Variants in MAPK8IP3 observed in about 807,000 individuals in gnomAD.
MAPK8IP3 encodes the protein C-Jun-amino-terminal kinase-interacting protein 3.
A neutral mutation model predicts 157.8 loss-of-function variants in MAPK8IP3; 49 were observed. That is an observed-to-expected ratio of 0.31 (90% CI 0.25 to 0.39). MAPK8IP3 has a LOEUF of 0.39. Among genes scored for constraint, MAPK8IP3 ranks in the 10% least tolerant of loss-of-function variants. The pLI is 1.00. For missense variants in MAPK8IP3, 1,478 were observed against 1,889.4 expected (o/e 0.78, Z 4.04); for synonymous variants, 897 against 777.7 (o/e 1.15, Z -2.55).
In MAPK8IP3 at chr16:1,733,314, C is replaced by T. The variant is rs956984316; in HGVS notation, c.602+3736C>T. ...GGTGTGACGTGTGAACTCAGGACGCCGGCCGAGAGCCCAGGTTCCGAGTTG... is the reference window on the plus strand; with the variant it reads ...GGTGTGACGTGTGAACTCAGGACGCTGGCCGAGAGCCCAGGTTCCGAGTTG... On this transcript the variant is annotated intron_variant, in intron 4 of 31. Coordinates refer to ENST00000610761, the MANE Select transcript of MAPK8IP3 (RefSeq NM_001318852.2). 3.3e-5 allele frequency among the ~76,000 whole-genome samples: 5 copies of T among 152,126 alleles called. No individual in the cohort carries two copies. In the South Asian group the frequency reaches 6.2e-4, roughly 19 times the overall value.
At chr16:1,764,048 C>G (rs1049979645) in intron 17 of MAPK8IP3, 67 bp from the exon 18 acceptor site, 3 of 1,456,906 alleles carry the variant, frequency 2.1e-6, no homozygotes, top group Non-Finnish European at 1.9e-6. Flanking sequence ...CCCTACCTGT[C>G]TCAGATTTCT....
rs538105757 is a variant in MAPK8IP3, at chr16:1,768,735, G to A, written c.3925G>A (p.Ala1309Thr). The change falls in exon 32 of 32, where the codon GCA becomes ACA. Residue 1309 changes from alanine to threonine, a missense_variant. Ala to Thr is a moderately conservative substitution (Grantham distance 58, BLOSUM62 0). Transcript: ENST00000610761. ...AGAGGACGACGAGACGGAGGAGGGCGCAGGGGACATGAGCCAGGTGAAGCC... is the reference window on the plus strand; with the variant it reads ...AGAGGACGACGAGACGGAGGAGGGCACAGGGGACATGAGCCAGGTGAAGCC... ...DGEDDETEEG[A>T]GDMSQVKPVL... 123 of 1,612,742 alleles carry A rather than the reference G, an allele frequency of 7.6e-5. No individual in the cohort carries two copies. The East Asian group carries it at 1.2e-3, about 16-fold the overall frequency.
chr16:1,765,852 G>C, intron 20 of MAPK8IP3, 108 bp from the exon 21 acceptor site: 1 of 1,048,508 alleles, frequency 9.5e-7, no homozygotes, highest in South Asian at 1.5e-5. Flanking sequence ...GGTCTGCTGG[G>C]AAAGTGGAAG....
intron 4 of MAPK8IP3, among the ~76,000 whole-genome samples, chr16:1,729,969 G>A (rs1164536641): frequency 1.4e-5 from 2 of 147,602 alleles, no homozygotes; most frequent in Non-Finnish European, 3.0e-5. Flanking sequence ...AGAACTTTGG[G>A]AGGCCAAGGC....
intron 11 of MAPK8IP3, 28 bp downstream of exon 11, chr16:1,760,043 G>A (rs1567198297): frequency 6.2e-7 from 1 of 1,613,582 alleles, no homozygotes; most frequent in Non-Finnish European, 8.5e-7. Flanking sequence ...CTGTGTGGTG[G>A]GGCTGAGGCA....
chr16:1,735,473 GAGTGTGACCGTCCA>G, intron 4 of MAPK8IP3, among the ~76,000 whole-genome samples: 1 of 73,828 alleles, frequency 1.4e-5, no homozygotes, highest in African/African-American at 9.9e-5. Context: ...GTCCGTGTGA[GAGTGTGACCGTCCA>G]TGTGAGCGTC....
In MAPK8IP3 at chr16:1,743,332, C is replaced by A; in HGVS notation, c.603C>A (p.Ser201Arg). The A allele has an allele frequency of 6.4e-7, 1 of 1,552,362 alleles. No homozygotes were observed. Among genetic ancestry groups the A allele is most frequent in the Admixed American group, 2.1e-5 (1 of 46,758 alleles). ...SQTESSLPGR[S>R]RKERPTSLNV... The stretch of plus-strand genomic sequence containing the variant: ...CCTCTCCTCTCGCCCCCCATTTCAG[C>A]AGGAAGGAGCGCCCCACCTCCCTGA... Residue 201 changes from serine to arginine, a missense_variant and splice_region_variant, in exon 5 of 32, where the codon AGC becomes AGA. Around this residue, in one of 11 missense-constraint regions of MAPK8IP3, gnomAD observed 315 missense variants for 394.4 expected, o/e 0.80. Transcript: ENST00000610761. The surrounding 1 kb of genome is among the most constrained non-coding windows in gnomAD (Gnocchi z 5.6).
At chr16:1,733,646 G>T (rs142250175) in intron 4 of MAPK8IP3, among the ~76,000 whole-genome samples, 2 of 152,338 alleles carry the variant, frequency 1.3e-5, no homozygotes, top group East Asian at 3.9e-4. Context: ...CCCTTGGCTC[G>T]TCCTGGCGCC....
intron 1 of MAPK8IP3, among the ~76,000 whole-genome samples, chr16:1,709,647 G>A (rs985279055): frequency 2.0e-5 from 3 of 152,262 alleles, no homozygotes; most frequent in African/African-American, 7.2e-5. Flanking sequence ...AAAAGAAGAA[G>A]GTGGGAAACA....
Position 1,743,808 on chromosome 16 carries a change from A to T in MAPK8IP3, c.747+332A>T, listed in dbSNP as rs189753366. 5.0e-6 allele frequency: 6 copies of T among 1,207,074 alleles called. No homozygotes were observed. 74.8% of individuals were successfully genotyped at this position (1,207,074 alleles called of 1,614,324 possible). On this transcript the variant is annotated intron_variant, in intron 5 of 31. Transcript: ENST00000610761. The surrounding 1 kb of genome is among the most constrained non-coding windows in gnomAD (Gnocchi z 5.6). ...GCTTAGTGATCCTCTCTCAAACCAC[A>T]CCCCCACATAAAGCCTCATGCTCAC...
In MAPK8IP3 at chr16:1,743,577, T is replaced by C. The variant is rs1268509944; in HGVS notation, c.747+101T>C. The C allele has an allele frequency of 4.0e-6, 6 of 1,497,090 alleles. No homozygotes were observed. In the East Asian group the frequency reaches 1.6e-4, roughly 40 times the overall value. 92.7% of individuals were successfully genotyped at this position (1,497,090 alleles called of 1,614,324 possible). On this transcript the variant is annotated intron_variant, in intron 5 of 31. Coordinates refer to ENST00000610761, the MANE Select transcript of MAPK8IP3 (RefSeq NM_001318852.2). This position sits in a 1 kb window ranked among gnomAD's most constrained non-coding sequence, Gnocchi z 5.6. ...GTCTGCAGGCAGCCCTTCACGGCTC[T>C]CTGGGCCACTCGCCCTCTCCCTTCG...
chr16:1,735,197 TCA>T (rs1421173859), intron 4 of MAPK8IP3: 7 of 152,310 alleles, frequency 4.6e-5, no homozygotes, highest in Non-Finnish European at 1.0e-4. Context: ...CCTGCGTGTC[TCA>T]CATCACCACA....
chr16:1,716,064 A>G (rs956319940), intron 1 of MAPK8IP3, among the ~76,000 whole-genome samples: 4 of 152,100 alleles, frequency 2.6e-5, no homozygotes, highest in Non-Finnish European at 5.9e-5. Context: ...TCAGCAGGAA[A>G]GTGTCCATGG....
At chr16:1,728,226 G>T (rs559502475) in intron 2 of MAPK8IP3, among the ~76,000 whole-genome samples, 1 of 152,214 alleles carries the variant, frequency 6.6e-6, no homozygotes, top group Non-Finnish European at 1.5e-5. Context: ...AGAGAGGCCC[G>T]TGTTGGTGTC....
At chr16:1,732,091 G>A (rs984873331) in intron 4 of MAPK8IP3, among the ~76,000 whole-genome samples, 1 of 152,208 alleles carries the variant, frequency 6.6e-6, no homozygotes, top group African/African-American at 2.4e-5. Flanking sequence ...ATCTTGCCAG[G>A]GTATTGCAGC....
At chr16:1,768,663 C>G (rs774733019) in intron 31 of MAPK8IP3, 37 bp downstream of exon 31, 2 of 1,610,592 alleles carry the variant, frequency 1.2e-6, no homozygotes, top group African/African-American at 2.7e-5. Context: ...AGGTTGGGCG[C>G]GGGGGGAGCC....
chr16:1,767,465 TGA>T (rs1838442491), intron 26 of MAPK8IP3, 97 bp from the exon 27 acceptor site: 1 of 1,516,318 alleles, frequency 6.6e-7, no homozygotes, highest in Admixed American at 1.7e-5. Context: ...CTGGGAGGTC[TGA>T]GGGGACTGCA....
intron 13 of MAPK8IP3, among the ~76,000 whole-genome samples, chr16:1,761,934 A>G (rs1478689019): frequency 6.6e-6 from 1 of 152,112 alleles, no homozygotes; most frequent in Non-Finnish European, 1.5e-5. Flanking sequence ...GAATCAGTAT[A>G]TCCCACAATT....
chr16:1,737,402 G>C lies in MAPK8IP3; in HGVS notation c.603-5930G>C, dbSNP rs1326669905. ...AGTGTGACCATCCATGTGAGCATCTGTGTGACCGTCCGTGTGAGCGTCCGT... is the reference window on the plus strand; with the variant it reads ...AGTGTGACCATCCATGTGAGCATCTCTGTGACCGTCCGTGTGAGCGTCCGT... On this transcript the variant is annotated intron_variant, in intron 4 of 31. Coordinates refer to ENST00000610761, the MANE Select transcript of MAPK8IP3 (RefSeq NM_001318852.2). Among the ~76,000 whole-genome samples the C allele has an allele frequency of 1.3e-4, 14 of 104,558 alleles. 1 individual carries two copies. Among genetic ancestry groups the C allele is most frequent in the African/African-American group, 4.9e-4 (13 of 26,492 alleles). 68.6% of individuals were successfully genotyped at this position (104,558 alleles called of 152,430 possible).
Sources: allele counts gnomAD v4.1 joint callset (sites outside exome capture counted in the v4.1 genomes callset), GRCh38; gene constraint gnomAD v4.1.1; regional missense constraint gnomAD v4.1.1; non-coding constraint Gnocchi (gnomAD v3.1); transcripts MANE v1.5; gene names NCBI Gene and HGNC (gene_info 2026-07-23, HGNC 2026-07-21).